The following MICB variants were observed in gnomAD, a reference collection of about 807,000 sequenced individuals.
The protein encoded by MICB is MHC class I antigen-related protein B.
In MICB, 27 loss-of-function variants were observed where a neutral mutation model predicts 34.3. The ratio of observed to expected loss-of-function variants is 0.79; its 90% CI spans 0.58 to 1.08. MICB has a LOEUF of 1.08. Among genes scored for constraint, MICB ranks in the 50% least tolerant of loss-of-function variants. The pLI is 0.00. For missense variants in MICB, 426 were observed against 483.1 expected (o/e 0.88, Z 1.11); for synonymous variants, 153 against 187.4 (o/e 0.82, Z 1.50).
chr6:31,495,277 A>G (rs569593714), upstream of MICB, among the ~76,000 whole-genome samples: 1 of 152,106 alleles, frequency 6.6e-6, no homozygotes, highest in Non-Finnish European at 1.5e-5. Context: ...TCTTTTTTGG[A>G]GGCGAGCTGA....
At chr6:31,499,604 G>A (rs536143457) in intron 1 of MICB, among the ~76,000 whole-genome samples, 1 of 152,124 alleles carries the variant, frequency 6.6e-6, no homozygotes, top group African/African-American at 2.4e-5. Context: ...GAGCCCTGAT[G>A]CTAATGGCAG....
chr6:31,495,338 T>C (rs1764598785), upstream of MICB, among the ~76,000 whole-genome samples: 4 of 151,828 alleles, frequency 2.6e-5, no homozygotes, highest in Non-Finnish European at 2.9e-5. Context: ...GGAGGGAGGG[T>C]AGACACCGTG....
In MICB at chr6:31,507,109, A is replaced by G; in HGVS notation, c.701A>G (p.Asn234Ser). ...TCRASSFYPR[N>S]ITLTWRQDGV... The stretch of plus-strand genomic sequence containing the variant: ...AGGGCTTCCAGCTTCTATCCCCGGA[A>G]TATCACACTGACCTGGCGTCAGGAT... The change falls in exon 4 of 6, where the codon AAT becomes AGT. Residue 234 changes from asparagine to serine, a missense_variant. Physicochemically the swap from Asn to Ser is conservative, Grantham distance 46. Transcript: ENST00000252229. This position sits in a 1 kb window ranked among gnomAD's most constrained non-coding sequence, Gnocchi z 6.0. 1 of 1,614,080 alleles carries G rather than the reference A, an allele frequency of 6.2e-7. No homozygotes were observed. The highest frequency in any genetic ancestry group is 8.5e-7 in the Non-Finnish European group (1 of 1,179,948).
upstream of MICB, among the ~76,000 whole-genome samples, chr6:31,497,471 C>G (rs1764728575): frequency 6.6e-6 from 1 of 151,862 alleles, no homozygotes; most frequent in Non-Finnish European, 1.5e-5. Flanking sequence ...AGAGAGGGGG[C>G]CCTGGGAGAC....
rs374022693 is a variant in MICB at position 31,509,818 on chromosome 6, T to A, written c.1061T>A (p.Val354Asp). 6.2e-7 allele frequency: 1 copy of A among 1,613,434 alleles called. No individual in the cohort carries two copies. The highest frequency in any genetic ancestry group is 8.5e-7 in the Non-Finnish European group (1 of 1,179,648). Residue 354 changes from valine (V) to aspartate (D), a missense_variant, in exon 6 of 6, where the codon GTT becomes GAT. Coordinates refer to ENST00000252229, the MANE Select transcript of MICB (RefSeq NM_005931.5). The stretch of plus-strand genomic sequence containing the variant: ...CTGCAGGTCCTGGATCAACACCCAG[T>A]TGGGACAGGAGACCACAGGGATGCA... ...VSLQVLDQHP[V>D]GTGDHRDAAQ...
rs1765629794 is a variant in MICB, at chr6:31,510,845, C to T, written c.*936C>T. On this transcript the variant is annotated 3_prime_UTR_variant, in exon 6 of 6. Transcript: ENST00000252229. ...ACAAGAATGAGCCACCGTGCCTGGC[C>T]TATTTTATTATATTGTAATATATTT... is the stretch of plus-strand genomic sequence containing the variant. 1.3e-5 allele frequency: 2 copies of T among 152,104 alleles called. No homozygotes were observed. Among genetic ancestry groups the T allele is most frequent in the African/African-American group, 4.8e-5 (2 of 41,392 alleles). 9.4% of individuals were successfully genotyped at this position (152,104 alleles called of 1,614,324 possible). A position where few individuals can be genotyped will look rare whatever the true frequency, so the allele number is the denominator to read the frequency against.
At chr6:31,503,632 A>T (rs1052534202) in intron 1 of MICB, among the ~76,000 whole-genome samples, 1 of 152,192 alleles carries the variant, frequency 6.6e-6, no homozygotes, top group African/African-American at 2.4e-5. Context: ...TCAGATTTTC[A>T]TTCCTTTTAA....
intron 1 of MICB, among the ~76,000 whole-genome samples, chr6:31,501,131 G>A (rs1764998947): frequency 6.6e-6 from 1 of 152,262 alleles, no homozygotes; most frequent in Non-Finnish European, 1.5e-5. Context: ...CAGTTTATCT[G>A]GGGTGGGATG....
At position 31,506,266 on chromosome 6, in the gene MICB, C is replaced by T. The variant is rs200513000; in HGVS notation, c.449C>T (p.Ser150Leu). 3.1e-4 allele frequency: 495 copies of T among 1,614,060 alleles called. 1 individual carries two copies. Among genetic ancestry groups the T allele is most frequent in the Non-Finnish European group, 3.8e-4 (452 of 1,180,038 alleles). ...FLSQNLETQE[S>L]TVPQSSRAQT... ...TCCCAAAACCTGGAGACTCAAGAATCGACAGTGCCCCAGTCCTCCAGAGCT... is the reference window on the plus strand; with the variant it reads ...TCCCAAAACCTGGAGACTCAAGAATTGACAGTGCCCCAGTCCTCCAGAGCT... Residue 150 changes from serine (S) to leucine (L), a missense_variant, in exon 3 of 6, where the codon TCG becomes TTG. Coordinates refer to ENST00000252229, the MANE Select transcript of MICB (RefSeq NM_005931.5).
At position 31,505,905 on chromosome 6, in the gene MICB, C is replaced by T. The variant is rs1294522042; in HGVS notation, c.325+34C>T. ...CGGCAGGGGCAAGAGTAATGGGAGG[C>T]CTTCTCCAGGAAAGTTGGAGACAGA... On this transcript the variant is annotated intron_variant, in intron 2 of 5. Transcript: ENST00000252229. 4.5e-6 allele frequency: 7 copies of T among 1,560,134 alleles called. No homozygotes were observed. In the Admixed American group the frequency reaches 5.7e-5, roughly 13 times the overall value.
In MICB at chr6:31,500,647, T is replaced by G. The variant is rs557235666; in HGVS notation, c.70+2384T>G. ...GTCGTCATTCTATTGTCTCTCCCCA[T>G]GAGGTCCATTGTTTTAATTTTTGGC... On this transcript the variant is annotated intron_variant, in intron 1 of 5. Transcript: ENST00000252229. Among the ~76,000 whole-genome samples, 15 of 152,304 alleles carry G rather than the reference T, an allele frequency of 9.8e-5. 1 individual carries two copies. Among genetic ancestry groups the G allele is most frequent in the Admixed American group, 7.8e-4 (12 of 15,302 alleles).
upstream of MICB, chr6:31,496,679 T>TC (rs1254886007): frequency 6.6e-6 from 1 of 151,980 alleles, no homozygotes; most frequent in African/African-American, 2.4e-5. Flanking sequence ...TTTTCCTTTT[T>TC]TTTTTTTTTT....
At chr6:31,504,810 G>A (rs1368676507) in intron 1 of MICB, among the ~76,000 whole-genome samples, 2 of 152,086 alleles carry the variant, frequency 1.3e-5, no homozygotes, top group East Asian at 3.8e-4. Flanking sequence ...TAGTTCTTGA[G>A]TTTAGAGTTT....
chr6:31,507,179 G>C lies in MICB; in HGVS notation c.771G>C (p.Leu257=), dbSNP rs370163286. ...SHNTQQWGDV[L]PDGNGTYQTW... Reference sequence around the variant, plus strand: ...ACACCCAGCAGTGGGGGGATGTCCTGCCTGATGGGAATGGAACCTACCAGA... The same window carrying C: ...ACACCCAGCAGTGGGGGGATGTCCTCCCTGATGGGAATGGAACCTACCAGA... The change falls in exon 4 of 6, where the codon CTG becomes CTC. Residue 257 remains leucine (L), a synonymous_variant. Transcript: ENST00000252229. The surrounding 1 kb of genome is among the most constrained non-coding windows in gnomAD (Gnocchi z 6.0). The C allele has an allele frequency of 3.1e-6, 5 of 1,614,016 alleles. No individual in the cohort carries two copies. Among genetic ancestry groups the C allele is most frequent in the Non-Finnish European group, 4.2e-6 (5 of 1,180,012 alleles).
At chr6:31,499,504 T>G (rs1161868749) in intron 1 of MICB, among the ~76,000 whole-genome samples, 1 of 151,874 alleles carries the variant, frequency 6.6e-6, no homozygotes, top group Non-Finnish European at 1.5e-5. Context: ...GCCTCCCCAT[T>G]CCCAAATGTC....
intron 1 of MICB, among the ~76,000 whole-genome samples, chr6:31,500,625 G>A (rs181381214): frequency 1.8e-4 from 27 of 152,034 alleles, no homozygotes; most frequent in East Asian, 5.8e-4. Flanking sequence ...TCTGGTAGTC[G>A]TCATTCTATT....
intron 1 of MICB, among the ~76,000 whole-genome samples, chr6:31,501,747 T>C (rs928518516): frequency 1.3e-5 from 2 of 152,212 alleles, no homozygotes; most frequent in Non-Finnish European, 2.9e-5. Context: ...ACTGTAGATA[T>C]ATGGATTTGT....
At chr6:31,500,982 A>C (rs567780604) in intron 1 of MICB, among the ~76,000 whole-genome samples, 1 of 152,266 alleles carries the variant, frequency 6.6e-6, no homozygotes, top group African/African-American at 2.4e-5. Context: ...GCTCTATTAT[A>C]TTTTTAGTTT....
chr6:31,506,580 G>A, intron 3 of MICB, 150 bp downstream of exon 3: 1 of 869,296 alleles, frequency 1.2e-6, no homozygotes, highest in Non-Finnish European at 1.7e-6. Flanking sequence ...TCCTGTTAGA[G>A]CCATTGGATA....
Sources: allele counts gnomAD v4.1 joint callset (sites outside exome capture counted in the v4.1 genomes callset), GRCh38; gene constraint gnomAD v4.1.1; non-coding constraint Gnocchi (gnomAD v3.1); transcripts MANE v1.5; gene names NCBI Gene and HGNC (gene_info 2026-07-23, HGNC 2026-07-21).